Variants in GAS1 observed in about 807,000 individuals in gnomAD.
The protein encoded by GAS1 is growth arrest-specific protein 1.
GAS1 carries 10 observed loss-of-function variants against 21.6 expected under a neutral mutation model. That is an observed-to-expected ratio of 0.46 (90% confidence interval 0.29 to 0.79). The LOEUF is 0.79. GAS1 is among the 30% of genes least tolerant of loss of function. The pLI is 0.10. For synonymous variants in GAS1, 332 were observed against 264.0 expected, an observed-to-expected ratio of 1.26 and a Z score of -2.50; for missense variants, 567 against 544.3, an observed-to-expected ratio of 1.04 and a Z score of -0.42.
chr9:86,947,173 T>G lies in GAS1; in HGVS notation c.-394A>C. 6.5e-6 allele frequency: 1 copy of G among 153,792 alleles called. No homozygotes were observed. The highest frequency in any genetic ancestry group is 1.4e-5 in the Non-Finnish European group (1 of 69,120). 9.5% of individuals were successfully genotyped at this position (153,792 alleles called of 1,614,324 possible). ...TGCAGATCCGTTGTGCGGCCGGCTG[T>G]CCCCGTGCCGGCTGCTCGCGCTGCG... On this transcript the variant is annotated 5_prime_UTR_variant, in exon 1 of 1. Transcript: ENST00000298743.
Position 86,945,078 on chromosome 9 carries a change from T to A in GAS1, c.*664A>T, listed in dbSNP as rs1391399468. On this transcript the variant is annotated 3_prime_UTR_variant, in exon 1 of 1. Transcript: ENST00000298743. ...AGAGATCAGAGTGGTAGCAATGAAATTAAGGTCAAGGGCTCAAACTTATCC... is the reference window on the plus strand; with the variant it reads ...AGAGATCAGAGTGGTAGCAATGAAAATAAGGTCAAGGGCTCAAACTTATCC... The A allele has an allele frequency of 6.6e-6, 1 of 152,070 alleles. No homozygotes were observed. Among genetic ancestry groups the A allele is most frequent in the African/African-American group, 2.4e-5 (1 of 41,374 alleles). 9.4% of individuals were successfully genotyped at this position (152,070 alleles called of 1,614,324 possible). A position where few individuals can be genotyped will look rare whatever the true frequency, so the allele number is the denominator to read the frequency against.
Position 86,945,998 on chromosome 9 carries a change from A to C in GAS1, c.782T>G (p.Leu261Arg). 1 of 1,608,022 alleles carries C rather than the reference A, an allele frequency of 6.2e-7. No homozygotes were observed. The highest frequency in any genetic ancestry group is 8.5e-7 in the Non-Finnish European group (1 of 1,179,182). ...GPGSSGSDGG[L>R]DDYYDEDYDD... The stretch of plus-strand genomic sequence containing the variant: ...GTAGTCCTCATCGTAGTAGTCGTCC[A>C]GGCCCCCGTCCGAGCCGCTGCTGCC... Residue 261 changes from leucine to arginine, a missense_variant, in exon 1 of 1, where the codon CTG becomes CGG. Leu to Arg is a moderately radical substitution (Grantham distance 102). Coordinates refer to ENST00000298743, the MANE Select transcript of GAS1 (RefSeq NM_002048.3).
At position 86,946,195 on chromosome 9, in the gene GAS1, G is replaced by A; in HGVS notation, c.585C>T (p.Asn195=). 7 of 1,603,340 alleles carry A rather than the reference G, an allele frequency of 4.4e-6. No homozygotes were observed. Among genetic ancestry groups the A allele is most frequent in the Non-Finnish European group, 3.4e-6 (4 of 1,179,106 alleles). Reference sequence around the variant, plus strand: ...GGCATTCGTCCGTGCAGCGCAGCCCGTTGAAGACTTTGCCGCAGTAGGTCA... The same window carrying A: ...GGCATTCGTCCGTGCAGCGCAGCCCATTGAAGACTTTGCCGCAGTAGGTCA... ...RYLTYCGKVF[N]GLRCTDECRT... is the part of the protein sequence containing the mutation. The change falls in exon 1 of 1, where the codon AAC becomes AAT. Residue 195 remains asparagine, a synonymous_variant. Transcript: ENST00000298743. The surrounding 1 kb of genome is among the most constrained non-coding windows in gnomAD (Gnocchi z 5.2).
chr9:86,946,032 T>TGCCCAGCTCGGCGCCGAA lies in GAS1; in HGVS notation c.730_747dup (p.Phe244_Gly249dup), dbSNP rs781396121. On this transcript the variant is annotated inframe_insertion, in exon 1 of 1. Coordinates refer to ENST00000298743, the MANE Select transcript of GAS1 (RefSeq NM_002048.3). This position sits in a 1 kb window ranked among gnomAD's most constrained non-coding sequence, Gnocchi z 5.2. ...TCCGAGCCGCTGCTGCCGGGGCCGT[T>TGCCCAGCTCGGCGCCGAA]GCCCAGCTCGGCGCCGAAGCACAGG... The TGCCCAGCTCGGCGCCGAA allele has an allele frequency of 1.2e-6, 2 of 1,607,870 alleles. No homozygotes were observed. Among genetic ancestry groups the TGCCCAGCTCGGCGCCGAA allele is most frequent in the Non-Finnish European group, 1.7e-6 (2 of 1,179,398 alleles).
Position 86,946,522 on chromosome 9 carries a change from C to A in GAS1, c.258G>T (p.Gly86=). ...LAQHGGGDAP[G]AAAAAFPASA... ...AGGCCGGGAAAGCGGCGGCGGCGGCCCCGGGCGCGTCGCCCCCGCCGTGCT... is the reference window on the plus strand; with the variant it reads ...AGGCCGGGAAAGCGGCGGCGGCGGCACCGGGCGCGTCGCCCCCGCCGTGCT... The change falls in exon 1 of 1, where the codon GGG becomes GGT. Residue 86 remains glycine (G), a synonymous_variant. Coordinates refer to ENST00000298743, the MANE Select transcript of GAS1 (RefSeq NM_002048.3). The surrounding 1 kb of genome is among the most constrained non-coding windows in gnomAD (Gnocchi z 5.2). 1 of 1,429,508 alleles carries A rather than the reference C, an allele frequency of 7.0e-7. No homozygotes were observed. The highest frequency in any genetic ancestry group is 9.1e-7 in the Non-Finnish European group (1 of 1,093,510). 88.6% of individuals were successfully genotyped at this position (1,429,508 alleles called of 1,614,324 possible).
At position 86,945,460 on chromosome 9, in the gene GAS1, G is replaced by T. The variant is rs1769600088; in HGVS notation, c.*282C>A. On this transcript the variant is annotated 3_prime_UTR_variant, in exon 1 of 1. Transcript: ENST00000298743. ...CCTCCCGGACGTCCTGAACACTGCAGCTAGCTTTCTGGACGGCAGACGAGT... is the reference window on the plus strand; with the variant it reads ...CCTCCCGGACGTCCTGAACACTGCATCTAGCTTTCTGGACGGCAGACGAGT... 5.9e-6 allele frequency: 2 copies of T among 339,802 alleles called. No individual in the cohort carries two copies. Among genetic ancestry groups the T allele is most frequent in the South Asian group, 7.2e-5 (1 of 13,972 alleles). The allele number at this position is 339,802 out of a possible 1,614,324, so 21.0% of individuals were successfully genotyped here.
rs1409202005 is a variant in GAS1, at chr9:86,946,623, G to C, written c.157C>G (p.Leu53Val). The change falls in exon 1 of 1, where the codon CTG (leucine) becomes GTG (valine). Residue 53 changes from leucine to valine, a missense_variant. Leu to Val is a conservative substitution (Grantham distance 32). Transcript: ENST00000298743. The surrounding 1 kb of genome is among the most constrained non-coding windows in gnomAD (Gnocchi z 5.2). ...CACTCCGGCTCCCCCTGGCACTGCA[G>C]CAGCGCCTGCCAGCAGATGAGGCGG... ...GRRLICWQAL[L>V]QCQGEPECSY... 1 of 1,450,648 alleles carries C rather than the reference G, an allele frequency of 6.9e-7. No individual in the cohort carries two copies. The highest frequency in any genetic ancestry group is 1.3e-5 in the South Asian group (1 of 76,198). 89.9% of individuals were successfully genotyped at this position (1,450,648 alleles called of 1,614,324 possible).
rs1313445325 is a variant in GAS1, at chr9:86,947,053, G to C, written c.-274C>G. Reference sequence around the variant, plus strand: ...TCCGCTCGGCCCCCGGTGGTGGCGGGAGAGGCTCACTGTCGCCCCGGGGGG... The same window carrying C: ...TCCGCTCGGCCCCCGGTGGTGGCGGCAGAGGCTCACTGTCGCCCCGGGGGG... On this transcript the variant is annotated 5_prime_UTR_variant, in exon 1 of 1. Transcript: ENST00000298743. 3 of 257,772 alleles carry C rather than the reference G, an allele frequency of 1.2e-5. No individual in the cohort carries two copies. Among genetic ancestry groups the C allele is most frequent in the Non-Finnish European group, 2.3e-5 (3 of 128,744 alleles). The allele number at this position is 257,772 out of a possible 1,614,324, so 16.0% of individuals were successfully genotyped here.
In GAS1 at chr9:86,946,658, G is replaced by A. The variant is rs1452978295; in HGVS notation, c.122C>T (p.Ala41Val). 2.1e-6 allele frequency: 3 copies of A among 1,439,194 alleles called. No homozygotes were observed. Among genetic ancestry groups the A allele is most frequent in the African/African-American group, 1.5e-5 (1 of 67,472 alleles). 89.2% of individuals were successfully genotyped at this position (1,439,194 alleles called of 1,614,324 possible). ...LGSAPRGSGL[A>V]HGRRLICWQA... ...CCAGCAGATGAGGCGGCGGCCGTGC[G>A]CCAGCCCCGATCCCCGCGGCGCCGA... The change falls in exon 1 of 1, where the codon GCG (alanine) becomes GTG (valine). Residue 41 changes from alanine to valine, a missense_variant. Transcript: ENST00000298743. The surrounding 1 kb of genome is among the most constrained non-coding windows in gnomAD (Gnocchi z 5.2).
rs780104648 is a variant in GAS1, at chr9:86,946,228, G to C, written c.552C>G (p.Ser184Arg). The change falls in exon 1 of 1, where the codon AGC becomes AGG. Residue 184 changes from serine to arginine, a missense_variant. By Grantham distance (110) the Ser-to-Arg change is moderately radical. Coordinates refer to ENST00000298743, the MANE Select transcript of GAS1 (RefSeq NM_002048.3). The surrounding 1 kb of genome is among the most constrained non-coding windows in gnomAD (Gnocchi z 5.2). ...CTTTGCCGCAGTAGGTCAGGTAGCG[G>C]CTCAGCGCCAGGTTGCAGCGGCTGT... ...DRDSRCNLAL[S>R]RYLTYCGKVF... The C allele has an allele frequency of 1.9e-6, 3 of 1,593,082 alleles. No homozygotes were observed. The African/African-American group carries it at 4.0e-5, about 21-fold the overall frequency.
In GAS1 at chr9:86,946,020, T is replaced by C; in HGVS notation, c.760A>G (p.Ser254Gly). 1 of 1,608,386 alleles carries C rather than the reference T, an allele frequency of 6.2e-7. No homozygotes were observed. The highest frequency in any genetic ancestry group is 8.5e-7 in the Non-Finnish European group (1 of 1,179,434). ...FGAELGNGPG[S>G]SGSDGGLDDY... ...TCCAGGCCCCCGTCCGAGCCGCTGCTGCCGGGGCCGTTGCCCAGCTCGGCG... is the reference window on the plus strand; with the variant it reads ...TCCAGGCCCCCGTCCGAGCCGCTGCCGCCGGGGCCGTTGCCCAGCTCGGCG... Residue 254 changes from serine to glycine, a missense_variant, in exon 1 of 1, where the codon AGC (serine) becomes GGC (glycine). Ser to Gly is a moderately conservative substitution (Grantham distance 56, BLOSUM62 0). Coordinates refer to ENST00000298743, the MANE Select transcript of GAS1 (RefSeq NM_002048.3). This position sits in a 1 kb window ranked among gnomAD's most constrained non-coding sequence, Gnocchi z 5.2.
rs1323465801 is a variant in GAS1 at position 86,946,572 on chromosome 9, C to G, written c.208G>C (p.Glu70Gln). The G allele has an allele frequency of 1.4e-6, 2 of 1,411,036 alleles. No individual in the cohort carries two copies. Among genetic ancestry groups the G allele is most frequent in the Non-Finnish European group, 1.8e-6 (2 of 1,084,846 alleles). 87.4% of individuals were successfully genotyped at this position (1,411,036 alleles called of 1,614,324 possible). ...ECSYAYNQYA[E>Q]ACAPVLAQHG... is the part of the protein sequence containing the mutation. ...TGCGCCAGCACCGGCGCGCACGCCTCGGCGTACTGGTTGTAGGCGTAGCTG... is the reference window on the plus strand; with the variant it reads ...TGCGCCAGCACCGGCGCGCACGCCTGGGCGTACTGGTTGTAGGCGTAGCTG... Residue 70 changes from glutamate (E) to glutamine (Q), a missense_variant, in exon 1 of 1, where the codon GAG becomes CAG. Glu to Gln is a conservative substitution (Grantham distance 29). Coordinates refer to ENST00000298743, the MANE Select transcript of GAS1 (RefSeq NM_002048.3). This position sits in a 1 kb window ranked among gnomAD's most constrained non-coding sequence, Gnocchi z 5.2.
chr9:86,946,759 G>A lies in GAS1; in HGVS notation c.21C>T (p.Gly7=). The change falls in exon 1 of 1, where the codon GGC becomes GGT. Residue 7 remains glycine (G), a synonymous_variant. Transcript: ENST00000298743. The surrounding 1 kb of genome is among the most constrained non-coding windows in gnomAD (Gnocchi z 5.2). ...TCCCCCCGCGGGCCTCGCCGCCGCC[G>A]CCCAGCAGCGCGGCCACCATCGCGG... MVAALL[G]GGGEARGGTV... 8.9e-6 allele frequency: 10 copies of A among 1,126,248 alleles called. No homozygotes were observed. Among genetic ancestry groups the A allele is most frequent in the Non-Finnish European group, 1.2e-5 (10 of 857,470 alleles). The allele number at this position is 1,126,248 out of a possible 1,614,324, so 69.8% of individuals were successfully genotyped here.
chr9:86,945,705 C>A lies in GAS1; in HGVS notation c.*37G>T. On this transcript the variant is annotated 3_prime_UTR_variant, in exon 1 of 1. Transcript: ENST00000298743. ...TCGAGGCGAGCACGGGAGTGGGACG[C>A]GGGCTCTCCCGCAGCCAACGGCGGG... The A allele has an allele frequency of 6.7e-7, 1 of 1,482,114 alleles. No homozygotes were observed. The highest frequency in any genetic ancestry group is 9.0e-7 in the Non-Finnish European group (1 of 1,110,058). The allele number at this position is 1,482,114 out of a possible 1,614,324, so 91.8% of individuals were successfully genotyped here.
At position 86,946,465 on chromosome 9, in the gene GAS1, G is replaced by C; in HGVS notation, c.315C>G (p.Cys105Trp). ...SAASFSSRWR[C>W]PSHCISALIQ... ...TGAGGGCCGAGATGCAGTGACTCGGGCAGCGCCAGCGCGACGAGAAAGAGG... is the reference window on the plus strand; with the variant it reads ...TGAGGGCCGAGATGCAGTGACTCGGCCAGCGCCAGCGCGACGAGAAAGAGG... Residue 105 changes from cysteine (C) to tryptophan (W), a missense_variant, in exon 1 of 1, where the codon TGC becomes TGG. By Grantham distance (215) the Cys-to-Trp change is radical. Transcript: ENST00000298743. The surrounding 1 kb of genome is among the most constrained non-coding windows in gnomAD (Gnocchi z 5.2). The C allele has an allele frequency of 6.8e-7, 1 of 1,474,410 alleles. No homozygotes were observed. The highest frequency in any genetic ancestry group is 1.3e-5 in the South Asian group (1 of 79,010). 91.3% of individuals were successfully genotyped at this position (1,474,410 alleles called of 1,614,324 possible). A position where few individuals can be genotyped will look rare whatever the true frequency, so the allele number is the denominator to read the frequency against.
rs1258992008 is a variant in GAS1, at chr9:86,946,782, C to G, written c.-3G>C. On this transcript the variant is annotated 5_prime_UTR_variant, in exon 1 of 1. Coordinates refer to ENST00000298743, the MANE Select transcript of GAS1 (RefSeq NM_002048.3). The surrounding 1 kb of genome is among the most constrained non-coding windows in gnomAD (Gnocchi z 5.2). Reference sequence around the variant, plus strand: ...CCGCCCAGCAGCGCGGCCACCATCGCGGGCAGCGGCGGCCGCCGGGAGAGG... The same window carrying G: ...CCGCCCAGCAGCGCGGCCACCATCGGGGGCAGCGGCGGCCGCCGGGAGAGG... 1 of 913,306 alleles carries G rather than the reference C, an allele frequency of 1.1e-6. No individual in the cohort carries two copies. The allele number at this position is 913,306 out of a possible 1,614,324, so 56.6% of individuals were successfully genotyped here.
chr9:86,945,601 G>C lies in GAS1; in HGVS notation c.*141C>G. ...GTGGCCGGGGAACCGGCTACACCAA[G>C]TTGACTTGGAAAAAGTTTTGGGAAG... On this transcript the variant is annotated 3_prime_UTR_variant, in exon 1 of 1. Transcript: ENST00000298743. 3.8e-6 allele frequency: 3 copies of C among 792,044 alleles called. No homozygotes were observed. The highest frequency in any genetic ancestry group is 3.1e-5 in the South Asian group (1 of 32,498). The allele number at this position is 792,044 out of a possible 1,614,324, so 49.1% of individuals were successfully genotyped here.
rs776408950 is a variant in GAS1, at chr9:86,946,099, G to C, written c.681C>G (p.Leu227=). 1.9e-6 allele frequency: 3 copies of C among 1,608,388 alleles called. No individual in the cohort carries two copies. The highest frequency in any genetic ancestry group is 2.5e-6 in the Non-Finnish European group (3 of 1,179,642). Residue 227 remains leucine, a synonymous_variant, in exon 1 of 1, where the codon CTC becomes CTG. Coordinates refer to ENST00000298743, the MANE Select transcript of GAS1 (RefSeq NM_002048.3). This position sits in a 1 kb window ranked among gnomAD's most constrained non-coding sequence, Gnocchi z 5.2. The stretch of plus-strand genomic sequence containing the variant: ...TGACCGACTCGCAGATGGGCCGCTC[G>C]AGGCCGTCGCACACGCAGTCGTTGA... ...ALLNDCVCDG[L]ERPICESVKE... is the part of the protein sequence containing the mutation.
chr9:86,946,038 G>A lies in GAS1; in HGVS notation c.742C>T (p.Leu248=). ...CCGCTGCTGCCGGGGCCGTTGCCCA[G>A]CTCGGCGCCGAAGCACAGGCGGGCC... ...NMARLCFGAE[L]GNGPGSSGSD... Residue 248 remains leucine, a synonymous_variant, in exon 1 of 1, where the codon CTG becomes TTG. Transcript: ENST00000298743. This position sits in a 1 kb window ranked among gnomAD's most constrained non-coding sequence, Gnocchi z 5.2. 1.2e-6 allele frequency: 2 copies of A among 1,607,612 alleles called. No homozygotes were observed. Among genetic ancestry groups the A allele is most frequent in the Non-Finnish European group, 1.7e-6 (2 of 1,179,416 alleles).
Sources: gnomAD v4.1 joint callset for allele counts on GRCh38, gnomAD v4.1.1 for gene constraint, Gnocchi (gnomAD v3.1) non-coding constraint, MANE v1.5 for transcripts, NCBI Gene and HGNC (gene_info 2026-07-23, HGNC 2026-07-21) for gene names.